RUBCN: variants seen among roughly 807,000 people sequenced by gnomAD.
The protein encoded by RUBCN is run domain Beclin-1-interacting and cysteine-rich domain-containing protein.
A neutral mutation model predicts 113.2 loss-of-function variants in RUBCN; 74 were observed. The ratio of observed to expected loss-of-function variants is 0.65; its 90% CI spans 0.54 to 0.79. The LOEUF is 0.79. Among genes scored for constraint, RUBCN ranks in the 30% least tolerant of loss-of-function variants. RUBCN has a pLI of 0.00. For synonymous variants in RUBCN, 480 were observed against 490.0 expected, an observed-to-expected ratio of 0.98 and a Z score of 0.27; for missense variants, 1,109 against 1,251.7, an observed-to-expected ratio of 0.89 and a Z score of 1.72.
At chr3:197,714,908 C>T (rs778090040) in intron 2 of RUBCN, among the ~76,000 whole-genome samples, 12 of 151,860 alleles carry the variant, frequency 7.9e-5, no homozygotes, top group Non-Finnish European at 1.6e-4. Context: ...GAGTAACTGC[C>T]AAAGAGAAAG....
Position 197,701,883 on chromosome 3 carries a change from C to T in RUBCN, c.571-19G>A. 2 of 1,613,290 alleles carry T rather than the reference C, an allele frequency of 1.2e-6. No homozygotes were observed. Among genetic ancestry groups the T allele is most frequent in the Non-Finnish European group, 1.7e-6 (2 of 1,179,628 alleles). On this transcript the variant is annotated intron_variant, in intron 5 of 19. Coordinates refer to ENST00000296343, the MANE Select transcript of RUBCN (RefSeq NM_014687.4). ...TGGCAAACTAAAAAGCAAAACAAAA[C>T]CAAAAAATGTGTCAGAGTTAAGGAC...
chr3:197,717,464 A>G (rs900115752), intron 2 of RUBCN, among the ~76,000 whole-genome samples: 5 of 150,912 alleles, frequency 3.3e-5, no homozygotes, highest in Admixed American at 1.3e-4. Context: ...AGGGGGGGGC[A>G]GAGAGAGATT....
At chr3:197,684,462 G>A (rs1456274829) in intron 11 of RUBCN, among the ~76,000 whole-genome samples, 3 of 152,096 alleles carry the variant, frequency 2.0e-5, no homozygotes, top group South Asian at 2.1e-4. Flanking sequence ...TACAAACTCA[G>A]GCAGAAAGAC....
intron 11 of RUBCN, among the ~76,000 whole-genome samples, chr3:197,689,200 T>C (rs1329016675): frequency 6.6e-6 from 1 of 151,810 alleles, no homozygotes. Flanking sequence ...AATTCTAAAA[T>C]ATGTTTTTGT....
At chr3:197,739,454 GAGGTCA>G (rs1728419933), upstream of RUBCN, among the ~76,000 whole-genome samples, 1 of 150,890 alleles carries the variant, frequency 6.6e-6, no homozygotes, top group African/African-American at 2.4e-5. Context: ...AGCACTTTGG[GAGGTCA>G]AGGCGGGCAG....
At chr3:197,746,773 A>G (rs1728762750) in intron 1 of RUBCN, among the ~76,000 whole-genome samples, 1 of 152,156 alleles carries the variant, frequency 6.6e-6, no homozygotes, top group Non-Finnish European at 1.5e-5. Context: ...CTTGGATCCC[A>G]TGTTTATTTT....
intron 7 of RUBCN, among the ~76,000 whole-genome samples, chr3:197,699,435 G>A (rs1334358520): frequency 1.3e-5 from 2 of 152,140 alleles, no homozygotes; most frequent in Non-Finnish European, 2.9e-5. Flanking sequence ...ACATTTTCGC[G>A]GGCTCCCTTT....
chr3:197,700,721 G>A lies in RUBCN; in HGVS notation c.1153C>T (p.Arg385Cys), dbSNP rs762804959. 2.3e-5 allele frequency: 37 copies of A among 1,614,048 alleles called. 1 individual carries two copies. Among genetic ancestry groups the A allele is most frequent in the Middle Eastern group, 1.6e-4 (1 of 6,084 alleles). ...GGESQLSSVL[R>C]RSSFSEGQTL... ...TGCCCCTCTGAGAAGCTGGACCTGC[G>A]GAGGACACTGGACAGCTGGCTCTCC... The change falls in exon 7 of 20, where the codon CGC (arginine) becomes TGC (cysteine). Residue 385 changes from arginine (R) to cysteine (C), a missense_variant. This residue lies in a region of RUBCN where 736 missense variants were observed against 779.6 expected (regional missense o/e 0.94). Transcript: ENST00000296343.
At chr3:197,749,561 C>G (rs1171343123) in exon 1 of RUBCN, 22 of 1,291,666 alleles carry the variant, frequency 1.7e-5, no homozygotes, top group Non-Finnish European at 2.1e-5. Flanking sequence ...GCGAAAGGCT[C>G]GTGTGTACCG....
At chr3:197,687,172 C>A (rs573064824) in intron 11 of RUBCN, among the ~76,000 whole-genome samples, 2 of 152,108 alleles carry the variant, frequency 1.3e-5, no homozygotes, top group Non-Finnish European at 2.9e-5. Flanking sequence ...TGATACCCAA[C>A]GTATCTGGGA....
Position 197,700,766 on chromosome 3 carries a change from C to G in RUBCN, c.1108G>C (p.Gly370Arg). 6.2e-7 allele frequency: 1 copy of G among 1,614,200 alleles called. No individual in the cohort carries two copies. Among genetic ancestry groups the G allele is most frequent in the Non-Finnish European group, 8.5e-7 (1 of 1,180,030 alleles). ...CTCTCCCCACCTCCTTCCTGGTCCC[C>G]TAAGGAAGAGGCAGCAGAATCTGGC... ...QKPDSAASSLGDQEGGGESQL... is the reference protein window; with the variant it reads ...QKPDSAASSLRDQEGGGESQL... The change falls in exon 7 of 20, where the codon GGG becomes CGG. Residue 370 changes from glycine to arginine, a missense_variant. Gly to Arg is a moderately radical substitution (Grantham distance 125, BLOSUM62 -2). Transcript: ENST00000296343.
intron 7 of RUBCN, chr3:197,700,356 TCC>T (rs1723505695): frequency 3.5e-6 from 2 of 564,124 alleles, no homozygotes; most frequent in African/African-American, 3.8e-5. Context: ...AGTCACGCTA[TCC>T]TCTGATGTTA....
intron 16 of RUBCN, among the ~76,000 whole-genome samples, chr3:197,679,246 G>A (rs978555738): frequency 6.8e-6 from 1 of 146,254 alleles, no homozygotes; most frequent in Non-Finnish European, 1.5e-5. Context: ...GCTTCAGACT[G>A]TCCTACGCTC....
At position 197,675,335 on chromosome 3, in the gene RUBCN, C is replaced by G; in HGVS notation, c.2740+87G>C. 6.6e-7 allele frequency: 1 copy of G among 1,510,372 alleles called. No individual in the cohort carries two copies. Among genetic ancestry groups the G allele is most frequent in the South Asian group, 1.1e-5 (1 of 88,816 alleles). 93.6% of individuals were successfully genotyped at this position (1,510,372 alleles called of 1,614,324 possible). A position where few individuals can be genotyped will look rare whatever the true frequency, so the allele number is the denominator to read the frequency against. ...AGGCCCCGCGAGGTGCTGAGTGGCA[C>G]CGAACTCTTGCTAACAGGGGTGGCT... On this transcript the variant is annotated intron_variant, in intron 19 of 19. Transcript: ENST00000296343. The surrounding 1 kb of genome is among the most constrained non-coding windows in gnomAD (Gnocchi z 4.4).
rs754734524 is a variant in RUBCN at position 197,675,246 on chromosome 3, T to A, written c.2741-50A>T. The stretch of plus-strand genomic sequence containing the variant: ...AGAGAAGAAAACAATTTGTATTATC[T>A]CCAGCTAGAGGTCAGTTGCTGCCAC... On this transcript the variant is annotated intron_variant, in intron 19 of 19. Coordinates refer to ENST00000296343, the MANE Select transcript of RUBCN (RefSeq NM_014687.4). This position sits in a 1 kb window ranked among gnomAD's most constrained non-coding sequence, Gnocchi z 4.4. 3 of 1,606,028 alleles carry A rather than the reference T, an allele frequency of 1.9e-6. No individual in the cohort carries two copies. Among genetic ancestry groups the A allele is most frequent in the Admixed American group, 3.3e-5 (2 of 60,020 alleles).
At chr3:197,705,566 G>GAAAAA (rs1023962921) in intron 2 of RUBCN, among the ~76,000 whole-genome samples, 94 of 41,970 alleles carry the variant, frequency 2.2e-3, no homozygotes, top group Non-Finnish European at 2.6e-3. Context: ...CCCTAACTCA[G>GAAAAA]AAAAAAAAAA....
chr3:197,679,651 G>A (rs1424256304), intron 16 of RUBCN, among the ~76,000 whole-genome samples: 5 of 146,576 alleles, frequency 3.4e-5, no homozygotes, highest in African/African-American at 1.0e-4. Context: ...CTGACAACTG[G>A]CTTCAGACTG....
chr3:197,689,839 G>A (rs1368251055), intron 11 of RUBCN, among the ~76,000 whole-genome samples: 1 of 152,052 alleles, frequency 6.6e-6, no homozygotes, highest in Non-Finnish European at 1.5e-5. Context: ...ATCTCTTCTA[G>A]CTATTTTGAA....
At chr3:197,739,991 GATTGTACCA>G (rs1400180776), upstream of RUBCN, among the ~76,000 whole-genome samples, 2 of 152,130 alleles carry the variant, frequency 1.3e-5, no homozygotes, top group African/African-American at 4.8e-5. Flanking sequence ...AGTGAGCTGA[GATTGTACCA>G]CTGCACTCCA....
Sources: gnomAD v4.1 joint callset for allele counts (sites outside exome capture counted in the v4.1 genomes callset) on GRCh38, gnomAD v4.1.1 for gene constraint, gnomAD v4.1.1 regional missense constraint, Gnocchi (gnomAD v3.1) non-coding constraint, MANE v1.5 for transcripts, NCBI Gene and HGNC (gene_info 2026-07-23, HGNC 2026-07-21) for gene names.